The following CYP4A11 variants were observed in gnomAD, a reference collection of about 807,000 sequenced individuals.
The protein encoded by CYP4A11 is cytochrome P450 4A11.
In CYP4A11, 52 loss-of-function variants were observed where a neutral mutation model predicts 57.7. The observed-to-expected ratio is 0.90, with a 90% CI of 0.72 to 1.14. The LOEUF (loss-of-function observed/expected upper bound fraction) is 1.14, where lower values mean the gene tolerates loss of function less well. CYP4A11 is among the 50% of genes most tolerant of loss of function. The pLI, the probability that CYP4A11 is intolerant of heterozygous loss-of-function variation, is 0.00. For missense variants in CYP4A11, 641 were observed against 642.1 expected (o/e 1.00, Z 0.02); for synonymous variants, 228 against 247.1 (o/e 0.92, Z 0.72).
rs749071464 is a variant in CYP4A11 at position 46,936,683 on chromosome 1, T to C, written c.491A>G (p.Asp164Gly). The change falls in exon 4 of 12, where the codon GAC (aspartate) becomes GGC (glycine). Residue 164 changes from aspartate (D) to glycine (G), a missense_variant. Transcript: ENST00000310638. ...ACTCACCAGCATCACTCGTACAGAG[T>C]CTGCCATGAGCCCCACATAGGGCTT... ...ILKPYVGLMA[D>G]SVRVMLDKWE... is the part of the protein sequence containing the mutation. 14 of 1,610,198 alleles carry C rather than the reference T, an allele frequency of 8.7e-6. No individual in the cohort carries two copies. The Admixed American group carries it at 1.7e-4, about 19-fold the overall frequency.
At chr1:46,932,514 C>T (rs1231233813) in intron 11 of CYP4A11, 24 of 1,392,140 alleles carry the variant, frequency 1.7e-5, no homozygotes, top group Admixed American at 5.8e-5. Context: ...GGAACATGCA[C>T]TGACAGTGAA....
Position 46,929,989 on chromosome 1 carries a change from C to A in CYP4A11, c.*126G>T. 2 of 1,240,490 alleles carry A rather than the reference C, an allele frequency of 1.6e-6. No homozygotes were observed. The highest frequency in any genetic ancestry group is 2.2e-6 in the Non-Finnish European group (2 of 906,544). The allele number at this position is 1,240,490 out of a possible 1,614,324, so 76.8% of individuals were successfully genotyped here. On this transcript the variant is annotated 3_prime_UTR_variant, in exon 12 of 12. Transcript: ENST00000310638. ...TGGAGAAAGGTGAGAGAGAGAAGGGCAGGCAGACTGGGGGACAGCAGGCAG... is the reference window on the plus strand; with the variant it reads ...TGGAGAAAGGTGAGAGAGAGAAGGGAAGGCAGACTGGGGGACAGCAGGCAG...
chr1:46,933,135 A>C (rs1681135148), intron 9 of CYP4A11, 88 bp from the exon 10 acceptor site: 7 of 1,565,788 alleles, frequency 4.5e-6, no homozygotes, highest in African/African-American at 2.7e-5. Flanking sequence ...AAGAAGGCCC[A>C]AAAAGCCTAC....
At chr1:46,938,176 T>G (rs1347781105) in intron 1 of CYP4A11, 39 bp from the exon 2 acceptor site, 1 of 1,612,808 alleles carries the variant, frequency 6.2e-7, no homozygotes, top group East Asian at 2.2e-5. Context: ...TTTCATTTAC[T>G]TCTAGTCTTT....
Position 46,930,266 on chromosome 1 carries a change from G to A in CYP4A11, c.1409C>T (p.Ala470Val). The change falls in exon 12 of 12, where the codon GCC (alanine) becomes GTC (valine). Residue 470 changes from alanine to valine, a missense_variant. Ala to Val is a moderately conservative substitution (Grantham distance 64, BLOSUM62 0). Transcript: ENST00000310638. ...AAAGCGGAGCAGGGTCAGGGCCGTG[G>A]CCACCTTCAGCTCGTTCATGGCAAA... ...KQFAMNELKV[A>V]TALTLLRFEL... The A allele has an allele frequency of 6.2e-7, 1 of 1,613,906 alleles. No homozygotes were observed. The highest frequency in any genetic ancestry group is 8.5e-7 in the Non-Finnish European group (1 of 1,179,882).
At chr1:46,933,075 A>G in intron 9 of CYP4A11, 28 bp from the exon 10 acceptor site, 1 of 1,613,522 alleles carries the variant, frequency 6.2e-7, no homozygotes, top group Non-Finnish European at 8.5e-7. Context: ...AACAGAGAGA[A>G]GACCAATCAT....
chr1:46,941,101 C>T, intron 1 of CYP4A11, 138 bp downstream of exon 1: 1 of 1,423,402 alleles, frequency 7.0e-7, no homozygotes, highest in Non-Finnish European at 9.3e-7. Flanking sequence ...AAAGCTGAGA[C>T]CAGAGAGGTA....
chr1:46,936,560 G>A lies in CYP4A11; in HGVS notation c.510+104C>T, dbSNP rs904178153. 20 of 1,446,680 alleles carry A rather than the reference G, an allele frequency of 1.4e-5. No individual in the cohort carries two copies. The African/African-American group carries it at 2.5e-4, about 18-fold the overall frequency. The allele number at this position is 1,446,680 out of a possible 1,614,324, so 89.6% of individuals were successfully genotyped here. A position where few individuals can be genotyped will look rare whatever the true frequency, so the allele number is the denominator to read the frequency against. On this transcript the variant is annotated intron_variant, in intron 4 of 11. Transcript: ENST00000310638. ...CAATGACCTGAGAGTGTTGTTCCATGTGTCTATGTCTATGTCTGCCTGTGG... is the reference window on the plus strand; with the variant it reads ...CAATGACCTGAGAGTGTTGTTCCATATGTCTATGTCTATGTCTGCCTGTGG...
intron 3 of CYP4A11, 21 bp downstream of exon 3, chr1:46,937,281 A>C (rs757294868): frequency 6.2e-7 from 1 of 1,613,046 alleles, no homozygotes; most frequent in Admixed American, 1.7e-5. Context: ...AGTGGGCTGC[A>C]GTCCTAGTTT....
chr1:46,932,737 G>C lies in CYP4A11; in HGVS notation c.1364+24C>G, dbSNP rs778179068. On this transcript the variant is annotated intron_variant, in intron 11 of 11. Coordinates refer to ENST00000310638, the MANE Select transcript of CYP4A11 (RefSeq NM_000778.4). Reference sequence around the variant, plus strand: ...AGAGACTTCCCTCATTCCTCTATTCGAATTACCACACAGGACGTCTCACCT... The same window carrying C: ...AGAGACTTCCCTCATTCCTCTATTCCAATTACCACACAGGACGTCTCACCT... The C allele has an allele frequency of 3.2e-5, 52 of 1,613,952 alleles. No homozygotes were observed. The Admixed American group carries it at 4.3e-4, about 13-fold the overall frequency.
chr1:46,933,681 C>T (rs184073067), intron 9 of CYP4A11, among the ~76,000 whole-genome samples: 2 of 152,292 alleles, frequency 1.3e-5, no homozygotes, highest in East Asian at 3.9e-4. Flanking sequence ...TCTTTCCAGC[C>T]CTGCACATCT....
intron 3 of CYP4A11, 44 bp from the exon 4 acceptor site, chr1:46,936,835 G>A (rs1222599190): frequency 5.1e-6 from 8 of 1,569,682 alleles, no homozygotes; most frequent in Non-Finnish European, 6.9e-6. Context: ...GTGTGTGTGT[G>A]TGTGTGTGTC....
chr1:46,929,268 G>A lies in CYP4A11; in HGVS notation c.*847C>T, dbSNP rs1471008176. 1.3e-5 allele frequency: 2 copies of A among 152,334 alleles called. No homozygotes were observed. The highest frequency in any genetic ancestry group is 2.9e-5 in the Non-Finnish European group (2 of 68,040). 9.4% of individuals were successfully genotyped at this position (152,334 alleles called of 1,614,324 possible). A position where few individuals can be genotyped will look rare whatever the true frequency, so the allele number is the denominator to read the frequency against. ...AGCAGGCAGGAAGAAGGAGACAGGT[G>A]TATGGGCAGACAGTCTGGAGGGCAG... is the stretch of plus-strand genomic sequence containing the variant. On this transcript the variant is annotated 3_prime_UTR_variant, in exon 12 of 12. Coordinates refer to ENST00000310638, the MANE Select transcript of CYP4A11 (RefSeq NM_000778.4).
rs1371775097 is a variant in CYP4A11 at position 46,935,086 on chromosome 1, G to A, written c.704C>T (p.Ala235Val). The change falls in exon 6 of 12, where the codon GCC becomes GTC. Residue 235 changes from alanine to valine, a missense_variant. Physicochemically the swap from Ala to Val is moderately conservative, Grantham distance 64. Transcript: ENST00000310638. Reference protein sequence around the residue: ...NNLVFSRVRNAFHQNDTIYSL... With the variant: ...NNLVFSRVRNVFHQNDTIYSL... Reference sequence around the variant, plus strand: ...GTAGATGGTGTCATTCTGGTGAAAGGCATTCCTCACACGGGAAAAAACCAG... The same window carrying A: ...GTAGATGGTGTCATTCTGGTGAAAGACATTCCTCACACGGGAAAAAACCAG... 1.2e-6 allele frequency: 2 copies of A among 1,614,056 alleles called. No individual in the cohort carries two copies. Among genetic ancestry groups the A allele is most frequent in the Non-Finnish European group, 1.7e-6 (2 of 1,180,038 alleles).
In CYP4A11 at chr1:46,941,359, G is replaced by A. The variant is rs377641777; in HGVS notation, c.75C>T (p.Leu25=). The A allele has an allele frequency of 8.1e-6, 13 of 1,614,194 alleles. No individual in the cohort carries two copies. The African/African-American group carries it at 1.6e-4, about 20-fold the overall frequency. ...VSGILQAASL[L]ILLLLLIKAV... ...CCTTGATCAGCAGCAGAAGCAGAAT[G>A]AGCAGGGAGGCCGCTTGGAGGATTC... The change falls in exon 1 of 12, where the codon CTC becomes CTT. Residue 25 remains leucine, a synonymous_variant. Coordinates refer to ENST00000310638, the MANE Select transcript of CYP4A11 (RefSeq NM_000778.4).
At chr1:46,940,452 C>T (rs1472017396) in intron 1 of CYP4A11, among the ~76,000 whole-genome samples, 2 of 152,140 alleles carry the variant, frequency 1.3e-5, no homozygotes, top group African/African-American at 2.4e-5. Context: ...TGCTGATTGC[C>T]GGGGCACAGG....
Position 46,930,033 on chromosome 1 carries a change from G to A in CYP4A11, c.*82C>T, listed in dbSNP as rs1407425416. The A allele has an allele frequency of 3.0e-5, 44 of 1,473,216 alleles. No individual in the cohort carries two copies. The highest frequency in any genetic ancestry group is 3.8e-5 in the Non-Finnish European group (42 of 1,100,676). The allele number at this position is 1,473,216 out of a possible 1,614,324, so 91.3% of individuals were successfully genotyped here. A position where few individuals can be genotyped will look rare whatever the true frequency, so the allele number is the denominator to read the frequency against. On this transcript the variant is annotated 3_prime_UTR_variant, in exon 12 of 12. Transcript: ENST00000310638. The stretch of plus-strand genomic sequence containing the variant: ...CAGGCAGGTGGGAAGAAGGGAAGGT[G>A]GGCAGACAGAAAACAGGATATGGGC...
At chr1:46,941,166 T>C (rs1681726484) in intron 1 of CYP4A11, 73 bp downstream of exon 1, 8 of 1,550,086 alleles carry the variant, frequency 5.2e-6, no homozygotes, top group Non-Finnish European at 1.7e-6. Context: ...CTTTGCTCTA[T>C]GGATTTTGTG....
At chr1:46,937,165 T>C in intron 3 of CYP4A11, 137 bp downstream of exon 3, 1 of 1,091,408 alleles carries the variant, frequency 9.2e-7, no homozygotes, top group South Asian at 1.7e-5. Context: ...GAGGGTCTTG[T>C]TAGAAGAAGG....
Sources: allele counts gnomAD v4.1 joint callset (sites outside exome capture counted in the v4.1 genomes callset), GRCh38; gene constraint gnomAD v4.1.1; transcripts MANE v1.5; gene names NCBI Gene and HGNC (gene_info 2026-07-23, HGNC 2026-07-21).